Variants in GATAD2A observed in about 807,000 individuals in gnomAD.
The protein encoded by GATAD2A is GATA zinc finger domain containing 2A.
In GATAD2A, 12 loss-of-function variants were observed where a neutral mutation model predicts 68.5. The ratio of observed to expected loss-of-function variants is 0.18; its 90% CI spans 0.11 to 0.28. GATAD2A has a LOEUF of 0.28. GATAD2A is among the 10% of genes least tolerant of loss of function. The pLI is 1.00. For missense variants in GATAD2A, 755 were observed against 868.5 expected (o/e 0.87, Z 1.64); for synonymous variants, 410 against 375.3 (o/e 1.09, Z -1.07).
At chr19:19,413,747 GC>G (rs1160714357) in intron 1 of GATAD2A, among the ~76,000 whole-genome samples, 1 of 152,006 alleles carries the variant, frequency 6.6e-6, no homozygotes, top group Admixed American at 6.6e-5. Context: ...ACTTTGCCTG[GC>G]TAATTTTTGT....
intron 11 of GATAD2A, among the ~76,000 whole-genome samples, chr19:19,505,059 G>A (rs569963649): frequency 1.3e-5 from 2 of 152,326 alleles, no homozygotes; most frequent in South Asian, 2.1e-4. Flanking sequence ...CTTCATTTCT[G>A]TAGAACGTAG....
At chr19:19,480,034 T>C (rs949788906) in intron 2 of GATAD2A, among the ~76,000 whole-genome samples, 1 of 151,942 alleles carries the variant, frequency 6.6e-6, no homozygotes, top group Admixed American at 6.6e-5. Flanking sequence ...CTCAAACTTC[T>C]GGCCTCCTGT....
intron 1 of GATAD2A, among the ~76,000 whole-genome samples, chr19:19,427,355 A>G (rs1214881037): frequency 6.6e-6 from 1 of 150,694 alleles, no homozygotes; most frequent in Non-Finnish European, 1.5e-5. Flanking sequence ...CTTTATGACA[A>G]CATGTATTCT....
intron 1 of GATAD2A, among the ~76,000 whole-genome samples, chr19:19,437,417 A>T (rs1384615544): frequency 1.3e-5 from 2 of 152,210 alleles, no homozygotes; most frequent in Non-Finnish European, 2.9e-5. Context: ...GGCAAATTAC[A>T]CTCAAAAAAA....
intron 1 of GATAD2A, among the ~76,000 whole-genome samples, chr19:19,421,338 C>A (rs2147267122): frequency 6.6e-6 from 1 of 152,304 alleles, no homozygotes; most frequent in South Asian, 2.1e-4. Context: ...TGAACTAACG[C>A]CCCTGCCCCT....
intron 5 of GATAD2A, among the ~76,000 whole-genome samples, chr19:19,495,080 C>T (rs949356291): frequency 1.3e-5 from 2 of 152,194 alleles, no homozygotes; most frequent in African/African-American, 4.8e-5. Context: ...ACTGTAGCCT[C>T]TGCCTTCTAG....
At chr19:19,471,831 G>A (rs913874822) in intron 2 of GATAD2A, among the ~76,000 whole-genome samples, 2 of 151,920 alleles carry the variant, frequency 1.3e-5, no homozygotes, top group Non-Finnish European at 2.9e-5. Flanking sequence ...TCGTGGGCAT[G>A]TGCTGCCCCT....
At chr19:19,429,254 G>A (rs915130098) in intron 1 of GATAD2A, 3 of 977,098 alleles carry the variant, frequency 3.1e-6, no homozygotes, top group Admixed American at 6.2e-5. Flanking sequence ...GTGAGGGGCT[G>A]GGGGGGAGAG....
intron 2 of GATAD2A, among the ~76,000 whole-genome samples, chr19:19,480,806 T>C (rs2059006516): frequency 6.6e-6 from 1 of 152,104 alleles, no homozygotes; most frequent in African/African-American, 2.4e-5. Flanking sequence ...GCAGGTCTGA[T>C]TGGGTTGTGG....
chr19:19,505,361 G>C lies in GATAD2A; in HGVS notation c.1792G>C (p.Val598Leu). 6.2e-7 allele frequency: 1 copy of C among 1,613,342 alleles called. No individual in the cohort carries two copies. Among genetic ancestry groups the C allele is most frequent in the Non-Finnish European group, 8.5e-7 (1 of 1,179,780 alleles). The part of the protein sequence containing the change: ...PLSTGGTLAF[V>L]SPSLAVHKSS... ...TGTTGCAGGCGGGACCCTTGCGTTT[G>C]TCAGCCCAAGCCTGGCGGTGCACAA... is the stretch of plus-strand genomic sequence containing the variant. Residue 598 changes from valine to leucine, a missense_variant, in exon 12 of 12, where the codon GTC becomes CTC. Transcript: ENST00000683918.
intron 2 of GATAD2A, among the ~76,000 whole-genome samples, chr19:19,473,195 C>T (rs2053743966): frequency 6.6e-6 from 1 of 152,182 alleles, no homozygotes; most frequent in Non-Finnish European, 1.5e-5. Context: ...CCCCTTGTAC[C>T]ATGAGTGGCT....
chr19:19,465,284 A>G (rs1359009654), intron 1 of GATAD2A, 56 bp from the exon 2 acceptor site: 2 of 1,334,166 alleles, frequency 1.5e-6, no homozygotes, highest in East Asian at 2.3e-5. Flanking sequence ...GTCTCCAAGA[A>G]GGTGGCACCT....
intron 6 of GATAD2A, 45 bp from the exon 7 acceptor site, chr19:19,496,007 T>C: frequency 6.2e-7 from 1 of 1,601,488 alleles, no homozygotes; most frequent in African/African-American, 1.3e-5. Flanking sequence ...CGCTCCATTG[T>C]TGATCTCAGT....
chr19:19,409,697 TG>T (rs1424152792), intron 1 of GATAD2A, among the ~76,000 whole-genome samples: 1 of 151,260 alleles, frequency 6.6e-6, no homozygotes, highest in East Asian at 1.9e-4. Context: ...GATCTTGAAG[TG>T]GTTGGTGGTT....
chr19:19,500,975 C>G, intron 8 of GATAD2A, 143 bp from the exon 9 acceptor site: 1 of 736,214 alleles, frequency 1.4e-6, no homozygotes, highest in Non-Finnish European at 2.2e-6. Flanking sequence ...GGCCCCATGT[C>G]CACATGTCAT....
chr19:19,495,370 G>A (rs781196520), intron 5 of GATAD2A, among the ~76,000 whole-genome samples: 6 of 151,512 alleles, frequency 4.0e-5, no homozygotes, highest in Non-Finnish European at 8.8e-5. Flanking sequence ...GTGCAGTGGC[G>A]CGATCTTGGG....
At chr19:19,468,298 C>G (rs2058030031) in intron 2 of GATAD2A, among the ~76,000 whole-genome samples, 1 of 152,230 alleles carries the variant, frequency 6.6e-6, no homozygotes, top group African/African-American at 2.4e-5. Flanking sequence ...AGAGTGGTAG[C>G]AACCCTGCCT....
intron 1 of GATAD2A, 75 bp downstream of exon 1, chr19:19,406,094 G>C (rs1344921503): frequency 6.6e-6 from 1 of 152,330 alleles, no homozygotes; most frequent in African/African-American, 2.4e-5. Flanking sequence ...CGCGGGCCGC[G>C]CAGGGTCGGG....
At chr19:19,450,961 G>A (rs1304790777) in intron 1 of GATAD2A, among the ~76,000 whole-genome samples, 1 of 151,480 alleles carries the variant, frequency 6.6e-6, no homozygotes, top group East Asian at 2.0e-4. Flanking sequence ...TAGTAGAGAC[G>A]GGGTTTCACC....
Sources: gnomAD v4.1 joint callset for allele counts (sites outside exome capture counted in the v4.1 genomes callset) on GRCh38, gnomAD v4.1.1 for gene constraint, MANE v1.5 for transcripts, NCBI Gene and HGNC (gene_info 2026-07-23, HGNC 2026-07-21) for gene names.